The following SCFD2 variants were observed in gnomAD, a reference collection of about 807,000 sequenced individuals.
SCFD2 encodes sec1 family domain-containing protein 2.
In SCFD2, 54 loss-of-function variants were observed where a neutral mutation model predicts 58.9. The observed-to-expected ratio is 0.92, with a 90% CI of 0.74 to 1.15. The LOEUF is 1.15. SCFD2 is among the 50% of genes most tolerant of loss of function. The pLI is 0.00. For missense variants in SCFD2, 805 were observed against 836.6 expected (o/e 0.96, Z 0.47); for synonymous variants, 321 against 335.9 (o/e 0.96, Z 0.49).
intron 4 of SCFD2, among the ~76,000 whole-genome samples, chr4:53,170,433 T>C (rs149590044): frequency 2.6e-5 from 4 of 152,334 alleles, no homozygotes; most frequent in African/African-American, 9.6e-5. Flanking sequence ...GTAATTACTG[T>C]AGATTTGTAA....
chr4:52,896,527 T>C (rs1342886546), intron 7 of SCFD2, among the ~76,000 whole-genome samples: 1 of 152,218 alleles, frequency 6.6e-6, no homozygotes, highest in Non-Finnish European at 1.5e-5. Context: ...TATATCTCTG[T>C]TTTGGTACCA....
rs532904158 is a variant in SCFD2, at chr4:53,211,107, G to T, written c.1311+62719C>A. Among the ~76,000 whole-genome samples, 4 of 152,162 alleles carry T rather than the reference G, an allele frequency of 2.6e-5. No homozygotes were observed. The South Asian group carries it at 8.3e-4, about 32-fold the overall frequency. On this transcript the variant is annotated intron_variant, in intron 4 of 8. Coordinates refer to ENST00000401642, the MANE Select transcript of SCFD2 (RefSeq NM_152540.4). Reference sequence around the variant, plus strand: ...AAATACAAAAAATTAGCCAGGCATGGTGGCACGCACCTGTAGTCCCAGCTA... The same window carrying T: ...AAATACAAAAAATTAGCCAGGCATGTTGGCACGCACCTGTAGTCCCAGCTA...
At chr4:53,295,622 C>A (rs1472977030) in intron 3 of SCFD2, among the ~76,000 whole-genome samples, 1 of 152,106 alleles carries the variant, frequency 6.6e-6, no homozygotes, top group African/African-American at 2.4e-5. Flanking sequence ...AATTGAACAC[C>A]TTTATTTCTT....
chr4:53,177,673 G>C (rs1351066810), intron 4 of SCFD2, among the ~76,000 whole-genome samples: 1 of 152,202 alleles, frequency 6.6e-6, no homozygotes, highest in Non-Finnish European at 1.5e-5. Flanking sequence ...GTGCAGGGCA[G>C]TGGGTGCAGC....
chr4:52,977,530 T>C (rs1319185422), intron 5 of SCFD2, among the ~76,000 whole-genome samples: 4 of 152,062 alleles, frequency 2.6e-5, no homozygotes, highest in African/African-American at 9.7e-5. Flanking sequence ...GGTCAGACTA[T>C]AGGCCAGAAG....
At chr4:53,029,115 A>T (rs765573711) in intron 5 of SCFD2, among the ~76,000 whole-genome samples, 32 of 152,112 alleles carry the variant, frequency 2.1e-4, no homozygotes, top group Non-Finnish European at 4.6e-4. Context: ...GAGCTGTAAA[A>T]TTTTTCTTGT....
intron 1 of SCFD2, among the ~76,000 whole-genome samples, chr4:53,356,217 T>A (rs1471028965): frequency 6.6e-6 from 1 of 152,184 alleles, no homozygotes; most frequent in East Asian, 1.9e-4. Flanking sequence ...GGTAGCTAAC[T>A]TCCCTCAGAG....
chr4:53,203,464 T>C lies in SCFD2; in HGVS notation c.1312-57882A>G, dbSNP rs543204631. On this transcript the variant is annotated intron_variant, in intron 4 of 8. Transcript: ENST00000401642. Reference sequence around the variant, plus strand: ...AAAGAAAGAAAGATCAAATGAAACATAGAAAAATAAATACACTCCCTCAAA... The same window carrying C: ...AAAGAAAGAAAGATCAAATGAAACACAGAAAAATAAATACACTCCCTCAAA... 2.4e-3 allele frequency among the ~76,000 whole-genome samples: 360 copies of C among 151,876 alleles called. 4 individuals carry two copies. The highest frequency in any genetic ancestry group is 7.9e-3 in the African/African-American group (325 of 41,382).
intron 5 of SCFD2, among the ~76,000 whole-genome samples, chr4:53,133,337 A>T (rs1304135872): frequency 6.6e-6 from 1 of 151,920 alleles, no homozygotes; most frequent in African/African-American, 2.4e-5. Flanking sequence ...CAAAAAAAAA[A>T]AAAAAAAAAA....
intron 2 of SCFD2, among the ~76,000 whole-genome samples, chr4:53,332,010 AT>A (rs1354624509): frequency 6.6e-6 from 1 of 152,224 alleles, no homozygotes; most frequent in Non-Finnish European, 1.5e-5. Flanking sequence ...AAATGGATAA[AT>A]TCCTTGCCAC....
intron 2 of SCFD2, among the ~76,000 whole-genome samples, chr4:53,329,480 G>A (rs1227730747): frequency 2.0e-5 from 3 of 150,834 alleles, no homozygotes; most frequent in African/African-American, 2.4e-5. Flanking sequence ...CCCCAGCAGG[G>A]GCACACTGAC....
At chr4:53,076,746 G>A (rs1459110033) in intron 5 of SCFD2, among the ~76,000 whole-genome samples, 1 of 152,136 alleles carries the variant, frequency 6.6e-6, no homozygotes, top group African/African-American at 2.4e-5. Context: ...GAGCTCCCCA[G>A]CAGCCTTTCT....
chr4:52,995,727 T>C (rs1232449870), intron 5 of SCFD2, among the ~76,000 whole-genome samples: 1 of 151,612 alleles, frequency 6.6e-6, no homozygotes, highest in African/African-American at 2.4e-5. Flanking sequence ...AAAGAAAGAG[T>C]GGCAGAAGGA....
At chr4:53,167,965 C>T (rs1222550153) in intron 4 of SCFD2, among the ~76,000 whole-genome samples, 4 of 152,138 alleles carry the variant, frequency 2.6e-5, no homozygotes, top group Non-Finnish European at 5.9e-5. Flanking sequence ...GATATTATGA[C>T]GGACCCTCTT....
chr4:53,195,062 G>C (rs1728021129), intron 4 of SCFD2, among the ~76,000 whole-genome samples: 1 of 152,172 alleles, frequency 6.6e-6, no homozygotes, highest in African/African-American at 2.4e-5. Context: ...AGCAGGCTAA[G>C]AGAATGGGCT....
chr4:52,903,927 A>C (rs1471065762), intron 7 of SCFD2, among the ~76,000 whole-genome samples: 4 of 152,360 alleles, frequency 2.6e-5, no homozygotes, highest in South Asian at 4.1e-4. Flanking sequence ...GTTACAAAAC[A>C]GTGTATGAGT....
At chr4:53,097,404 G>T (rs1452489162) in intron 5 of SCFD2, among the ~76,000 whole-genome samples, 1 of 152,162 alleles carries the variant, frequency 6.6e-6, no homozygotes, top group Non-Finnish European at 1.5e-5. Flanking sequence ...GCAATGGTTT[G>T]TAGTTCTCCT....
At chr4:52,875,803 T>C (rs1361128573) in intron 8 of SCFD2, among the ~76,000 whole-genome samples, 3 of 2,274 alleles carry the variant, frequency 1.3e-3, no homozygotes, top group Non-Finnish European at 2.6e-3. Context: ...TATCTTTAAC[T>C]ATATATATAT....
chr4:53,363,958 T>G (rs986227256), intron 1 of SCFD2, among the ~76,000 whole-genome samples: 2 of 152,170 alleles, frequency 1.3e-5, no homozygotes, highest in African/African-American at 2.4e-5. Flanking sequence ...AACTTCCCAG[T>G]TGATTATGAA....
Sources: gnomAD v4.1 joint callset for allele counts (sites outside exome capture counted in the v4.1 genomes callset) on GRCh38, gnomAD v4.1.1 for gene constraint, MANE v1.5 for transcripts, NCBI Gene and HGNC (gene_info 2026-07-23, HGNC 2026-07-21) for gene names.